The following SLC7A2 variants were observed in gnomAD, a reference collection of about 807,000 sequenced individuals.
The protein encoded by SLC7A2 is cationic amino acid transporter 2.
In SLC7A2, 48 loss-of-function variants were observed where a neutral mutation model predicts 58.9. The observed-to-expected ratio is 0.82, with a 90% confidence interval of 0.65 to 1.04. The LOEUF is 1.04. Among genes scored for constraint, SLC7A2 ranks in the 50% least tolerant of loss-of-function variants. The pLI, the probability that SLC7A2 is intolerant of heterozygous loss-of-function variation, is 0.00. For missense variants in SLC7A2, 1,029 were observed against 818.8 expected, an observed-to-expected ratio of 1.26 and a Z score of -3.13; for synonymous variants, 363 against 314.5, an observed-to-expected ratio of 1.15 and a Z score of -1.63.
chr8:17,522,074 G>C (rs557590803), intron 2 of SLC7A2, among the ~76,000 whole-genome samples: 1 of 152,106 alleles, frequency 6.6e-6, no homozygotes, highest in Non-Finnish European at 1.5e-5. Flanking sequence ...TTGTTTTCAC[G>C]CTGCTGATAA....
At chr8:17,520,730 G>GGAGATGA (rs1800983331) in intron 2 of SLC7A2, 1 of 917,940 alleles carries the variant, frequency 1.1e-6, no homozygotes, top group Admixed American at 6.3e-5. Flanking sequence ...GGAGGAGATG[G>GGAGATGA]GAGATGAGAA....
At chr8:17,561,206 TTCTCACACTGC>T (rs1267143928) in intron 10 of SLC7A2, among the ~76,000 whole-genome samples, 1 of 152,188 alleles carries the variant, frequency 6.6e-6, no homozygotes, top group Non-Finnish European at 1.5e-5. Context: ...TATTAGTCTG[TTCTCACACTGC>T]TAGTAAAGAC....
At chr8:17,527,013 T>G (rs1170154376) in intron 2 of SLC7A2, among the ~76,000 whole-genome samples, 1 of 152,030 alleles carries the variant, frequency 6.6e-6, no homozygotes, top group African/African-American at 2.4e-5. Context: ...AGGGACATCT[T>G]GGTGGCATGC....
Position 17,550,312 on chromosome 8 carries a change from C to T in SLC7A2, c.710C>T (p.Ser237Phe). ...GTTCTCTTTCTTAGAGAGCCACCTT[C>T]TGAAAACGGAACAAGTATCTATGGG... ...NISASAREPPSENGTSIYGAG... is the reference protein window; with the variant it reads ...NISASAREPPFENGTSIYGAG... Residue 237 changes from serine (S) to phenylalanine (F), a missense_variant, in exon 6 of 13, where the codon TCT becomes TTT. By Grantham distance (155) the Ser-to-Phe change is radical (BLOSUM62 -2). Transcript: ENST00000494857. 1 of 1,613,832 alleles carries T rather than the reference C, an allele frequency of 6.2e-7. No homozygotes were observed. Among genetic ancestry groups the T allele is most frequent in the Non-Finnish European group, 8.5e-7 (1 of 1,179,900 alleles).
chr8:17,497,341 GC>G (rs1233976172), intron 1 of SLC7A2, 104 bp downstream of exon 1: 2 of 151,106 alleles, frequency 1.3e-5, no homozygotes, highest in Non-Finnish European at 3.0e-5. Context: ...CCTGGGGCCG[GC>G]GGGGAACTAG....
At chr8:17,496,358 T>C (rs887104289), upstream of SLC7A2, among the ~76,000 whole-genome samples, 2 of 152,108 alleles carry the variant, frequency 1.3e-5, no homozygotes, top group Non-Finnish European at 2.9e-5. Flanking sequence ...ACACACACAC[T>C]GACACACACT....
intron 2 of SLC7A2, among the ~76,000 whole-genome samples, chr8:17,532,333 G>C (rs1801495270): frequency 6.7e-6 from 1 of 148,914 alleles, no homozygotes; most frequent in Admixed American, 6.8e-5. Flanking sequence ...AAGCTTCCCT[G>C]CTGCCTCCTG....
intron 2 of SLC7A2, among the ~76,000 whole-genome samples, chr8:17,507,556 CAA>C (rs1362031688): frequency 6.6e-6 from 1 of 151,936 alleles, no homozygotes; most frequent in Non-Finnish European, 1.5e-5. Context: ...ATCCACAATG[CAA>C]AGAGATGAAA....
At chr8:17,542,643 C>A (rs893518079) in intron 2 of SLC7A2, among the ~76,000 whole-genome samples, 24 of 119,048 alleles carry the variant, frequency 2.0e-4, no homozygotes, top group African/African-American at 6.0e-4. Context: ...AGAGTGAGAC[C>A]CTGTCTCAAA....
At chr8:17,561,203 C>T (rs907050560) in intron 10 of SLC7A2, among the ~76,000 whole-genome samples, 2 of 152,126 alleles carry the variant, frequency 1.3e-5, no homozygotes, top group Non-Finnish European at 2.9e-5. Context: ...CTGTATTAGT[C>T]TGTTCTCACA....
At chr8:17,545,258 A>G (rs1015985475) in intron 4 of SLC7A2, among the ~76,000 whole-genome samples, 35 of 152,256 alleles carry the variant, frequency 2.3e-4, no homozygotes, top group African/African-American at 7.9e-4. Flanking sequence ...TCACTCGTAC[A>G]TAAAATGAGG....
chr8:17,529,763 C>T (rs1801366693), intron 2 of SLC7A2, among the ~76,000 whole-genome samples: 3 of 152,108 alleles, frequency 2.0e-5, no homozygotes, highest in African/African-American at 7.2e-5. Context: ...TCTCGAACTC[C>T]TGGCCTCAAG....
At chr8:17,502,748 A>G (rs1800214576) in intron 2 of SLC7A2, among the ~76,000 whole-genome samples, 5 of 152,062 alleles carry the variant, frequency 3.3e-5, no homozygotes. Context: ...CATTTTTCCT[A>G]GGGGAATCAC....
chr8:17,556,417 T>C (rs1011469917), intron 8 of SLC7A2, among the ~76,000 whole-genome samples: 1 of 152,148 alleles, frequency 6.6e-6, no homozygotes, highest in African/African-American at 2.4e-5. Context: ...ATAATTATAA[T>C]AGACCACTTT....
At position 17,543,409 on chromosome 8, in the gene SLC7A2, A is replaced by T. The variant is rs1470921558; in HGVS notation, c.70A>T (p.Ser24Cys). The T allele has an allele frequency of 1.2e-6, 2 of 1,614,198 alleles. No individual in the cohort carries two copies. The highest frequency in any genetic ancestry group is 1.7e-6 in the Non-Finnish European group (2 of 1,180,026). The change falls in exon 3 of 13, where the codon AGT (serine) becomes TGT (cysteine). Residue 24 changes from serine to cysteine, a missense_variant. Transcript: ENST00000494857. ...LIRRKIVTLD[S>C]LEDTKLCRCL... ...CCGGAGAAAAATCGTGACCCTGGACAGTCTAGAAGACACCAAATTATGCCG... is the reference window on the plus strand; with the variant it reads ...CCGGAGAAAAATCGTGACCCTGGACTGTCTAGAAGACACCAAATTATGCCG...
At chr8:17,562,438 C>G (rs892557695) in intron 11 of SLC7A2, among the ~76,000 whole-genome samples, 1 of 151,982 alleles carries the variant, frequency 6.6e-6, no homozygotes, top group African/African-American at 2.4e-5. Flanking sequence ...CTCCTGACCT[C>G]AAATAATCCA....
intron 1 of SLC7A2, among the ~76,000 whole-genome samples, chr8:17,499,521 G>C (rs1800073552): frequency 6.6e-6 from 1 of 150,964 alleles, no homozygotes; most frequent in South Asian, 2.1e-4. Context: ...TCATGTTGCT[G>C]TTTGCTTTAT....
At chr8:17,498,325 C>A (rs537972824) in intron 1 of SLC7A2, among the ~76,000 whole-genome samples, 1 of 152,294 alleles carries the variant, frequency 6.6e-6, no homozygotes, top group Non-Finnish European at 1.5e-5. Flanking sequence ...TGACTTGATA[C>A]TTTTTCATTC....
At chr8:17,543,189 AAC>A (rs112878892) in intron 2 of SLC7A2, 127 bp from the exon 3 acceptor site, 109,047 of 615,018 alleles carry the variant, frequency 0.18, 3,857 homozygotes, top group East Asian at 0.36. Context: ...TAACAAGTGA[AAC>A]ACACACACAC....
Sources: allele counts gnomAD v4.1 joint callset (sites outside exome capture counted in the v4.1 genomes callset), GRCh38; gene constraint gnomAD v4.1.1; transcripts MANE v1.5; gene names NCBI Gene and HGNC (gene_info 2026-07-23, HGNC 2026-07-21).